Variants in KSR1 observed in about 807,000 individuals in gnomAD.
The protein encoded by KSR1 is kinase suppressor of ras 1.
KSR1 carries 35 observed loss-of-function variants against 92.9 expected under a neutral mutation model. That is an observed-to-expected ratio of 0.38 (90% CI 0.29 to 0.50). KSR1 has a LOEUF of 0.50. Among genes scored for constraint, KSR1 ranks in the 20% least tolerant of loss-of-function variants. The pLI is 0.94. For synonymous variants in KSR1, 467 were observed against 472.6 expected, an observed-to-expected ratio of 0.99 and a Z score of 0.15; for missense variants, 972 against 1,158.5, an observed-to-expected ratio of 0.84 and a Z score of 2.34.
chr17:27,608,084 T>C, intron 15 of KSR1, 74 bp downstream of exon 15: 1 of 1,077,898 alleles, frequency 9.3e-7, no homozygotes, highest in Non-Finnish European at 1.4e-6. Flanking sequence ...TCTCGCCCTG[T>C]TACTCCCTGT....
At chr17:27,506,018 C>T (rs753650977) in intron 1 of KSR1, among the ~76,000 whole-genome samples, 1 of 152,062 alleles carries the variant, frequency 6.6e-6, no homozygotes, top group Non-Finnish European at 1.5e-5. Context: ...CTTTAAAAAA[C>T]GATGCATTGC....
intron 4 of KSR1, 33 bp downstream of exon 4, chr17:27,583,138 G>A: frequency 7.1e-7 from 1 of 1,402,968 alleles, no homozygotes; most frequent in Non-Finnish European, 9.6e-7. Flanking sequence ...TACCAAAAGT[G>A]CCCTCTGTGG....
chr17:27,611,131 T>A (rs1031509676), intron 17 of KSR1, among the ~76,000 whole-genome samples: 1 of 152,160 alleles, frequency 6.6e-6, no homozygotes, highest in African/African-American at 2.4e-5. Context: ...GGCTTGGCAA[T>A]TTAGTACTCC....
In KSR1 at chr17:27,612,341, G is replaced by A. The variant is rs115621261; in HGVS notation, c.2493+712G>A. Among the ~76,000 whole-genome samples the A allele has an allele frequency of 4.1e-3, 626 of 152,354 alleles. 4 individuals carry two copies. Among genetic ancestry groups the A allele is most frequent in the African/African-American group, 0.014 (569 of 41,578 alleles). On this transcript the variant is annotated intron_variant, in intron 18 of 20. Coordinates refer to ENST00000644974, the MANE Select transcript of KSR1 (RefSeq NM_001394583.1). ...TATTTAGTAGTTTTCCCTGGCTACAGAGATGAGTAACAAGAGTGATGTCAG... is the reference window on the plus strand; with the variant it reads ...TATTTAGTAGTTTTCCCTGGCTACAAAGATGAGTAACAAGAGTGATGTCAG...
At position 27,605,637 on chromosome 17, in the gene KSR1, C is replaced by T. The variant is rs767511588; in HGVS notation, c.1818C>T (p.His606=). The change falls in exon 14 of 21, where the codon CAC becomes CAT. Residue 606 remains histidine (H), a synonymous_variant. Transcript: ENST00000644974. ...PIGQGRWGRV[H]RGRWHGEVAI... Reference sequence around the variant, plus strand: ...GGCAGGGCCGCTGGGGCCGGGTGCACCGCGGCCGCTGGCATGGCGAGGTGG... The same window carrying T: ...GGCAGGGCCGCTGGGGCCGGGTGCATCGCGGCCGCTGGCATGGCGAGGTGG... The T allele has an allele frequency of 9.9e-6, 16 of 1,610,340 alleles. No individual in the cohort carries two copies. The South Asian group carries it at 1.5e-4, about 16-fold the overall frequency.
At chr17:27,550,493 C>T in intron 1 of KSR1, 75 bp from the exon 2 acceptor site, 2 of 746,636 alleles carry the variant, frequency 2.7e-6, no homozygotes, top group South Asian at 2.8e-5. Flanking sequence ...CTGAGCTCCT[C>T]TGTAGTGTGC....
At chr17:27,487,668 T>G (rs910737208) in intron 1 of KSR1, among the ~76,000 whole-genome samples, 1 of 151,870 alleles carries the variant, frequency 6.6e-6, no homozygotes, top group African/African-American at 2.4e-5. Context: ...ATTTTATGGT[T>G]TTTTTTTAGA....
intron 1 of KSR1, chr17:27,465,318 C>T (rs1409865449): frequency 6.6e-6 from 1 of 152,082 alleles, no homozygotes; most frequent in African/African-American, 2.4e-5. Context: ...TGAAGTCAGC[C>T]TACCTGCTTG....
At chr17:27,534,543 G>C (rs560695713) in intron 1 of KSR1, among the ~76,000 whole-genome samples, 1 of 152,322 alleles carries the variant, frequency 6.6e-6, no homozygotes, top group African/African-American at 2.4e-5. Flanking sequence ...GTCAGTGGCC[G>C]AGCTGGGATT....
intron 1 of KSR1, among the ~76,000 whole-genome samples, chr17:27,523,479 A>G (rs915477717): frequency 2.6e-5 from 4 of 152,206 alleles, no homozygotes; most frequent in African/African-American, 9.7e-5. Flanking sequence ...CTCGCAGTCT[A>G]ATGGGGAAAG....
chr17:27,573,260 A>T (rs1228338567), intron 2 of KSR1, among the ~76,000 whole-genome samples: 2 of 152,210 alleles, frequency 1.3e-5, no homozygotes, highest in Non-Finnish European at 2.9e-5. Context: ...ATTTCTTTAA[A>T]ACCAGAAGTT....
chr17:27,609,189 C>T lies in KSR1; in HGVS notation c.2092-7C>T. On this transcript the variant is annotated splice_region_variant and splice_polypyrimidine_tract_variant and intron_variant, in intron 15 of 20. Coordinates refer to ENST00000644974, the MANE Select transcript of KSR1 (RefSeq NM_001394583.1). Reference sequence around the variant, plus strand: ...CACATCTTCACTCCTCCTGATGTGTCCTCCAGGGCATGGGATATCTTCATG... The same window carrying T: ...CACATCTTCACTCCTCCTGATGTGTTCTCCAGGGCATGGGATATCTTCATG... The T allele has an allele frequency of 6.2e-7, 1 of 1,612,760 alleles. No homozygotes were observed. The highest frequency in any genetic ancestry group is 8.5e-7 in the Non-Finnish European group (1 of 1,178,966).
intron 1 of KSR1, among the ~76,000 whole-genome samples, chr17:27,542,800 A>G (rs767272718): frequency 1.3e-5 from 2 of 152,226 alleles, no homozygotes; most frequent in African/African-American, 4.8e-5. Context: ...CACTTTGCAT[A>G]CATGAGTCTG....
At chr17:27,556,022 G>A (rs1327346248) in intron 2 of KSR1, among the ~76,000 whole-genome samples, 1 of 152,110 alleles carries the variant, frequency 6.6e-6, no homozygotes. Flanking sequence ...TTTGGTTCAG[G>A]AACCTGCTCT....
chr17:27,602,514 C>T (rs766469767), intron 11 of KSR1, among the ~76,000 whole-genome samples: 12 of 152,216 alleles, frequency 7.9e-5, no homozygotes, highest in Non-Finnish European at 1.3e-4. Flanking sequence ...CAAACGTGGA[C>T]ACATTTTGGA....
At chr17:27,508,782 T>C (rs1034625920) in intron 1 of KSR1, among the ~76,000 whole-genome samples, 1 of 151,680 alleles carries the variant, frequency 6.6e-6, no homozygotes, top group East Asian at 1.9e-4. Flanking sequence ...CAGGCTGGAG[T>C]GCAATGGCGT....
chr17:27,516,381 G>A (rs989879747), intron 1 of KSR1, among the ~76,000 whole-genome samples: 1 of 152,138 alleles, frequency 6.6e-6, no homozygotes, highest in Admixed American at 6.5e-5. Flanking sequence ...GGGCCACCCT[G>A]GGAGGGTGTT....
At chr17:27,460,761 G>T (rs117592511) in intron 1 of KSR1, among the ~76,000 whole-genome samples, 1 of 152,118 alleles carries the variant, frequency 6.6e-6, no homozygotes, top group Non-Finnish European at 1.5e-5. Flanking sequence ...AGCATCTGAT[G>T]ATGGAACTGC....
intron 1 of KSR1, among the ~76,000 whole-genome samples, chr17:27,494,850 C>T (rs890611729): frequency 6.6e-6 from 1 of 152,208 alleles, no homozygotes; most frequent in African/African-American, 2.4e-5. Flanking sequence ...GGACCCTGGC[C>T]GCTGACTCAG....
Sources: allele counts gnomAD v4.1 joint callset (sites outside exome capture counted in the v4.1 genomes callset), GRCh38; gene constraint gnomAD v4.1.1; transcripts MANE v1.5; gene names NCBI Gene and HGNC (gene_info 2026-07-23, HGNC 2026-07-21).